FAM89B: variants seen among roughly 807,000 people sequenced by gnomAD.
FAM89B encodes the protein family with sequence similarity 89 member B, also known as leucine repeat adapter protein 25.
FAM89B carries 9 observed loss-of-function variants against 13.4 expected under a neutral mutation model. The observed-to-expected ratio is 0.67, with a 90% CI of 0.40 to 1.17. The LOEUF is 1.17. FAM89B is among the 50% of genes most tolerant of loss of function. The probability of loss-of-function intolerance (pLI) is 0.01; values close to 1 mark genes in which losing one functional copy is unlikely to be tolerated. For synonymous variants in FAM89B, 138 were observed against 121.2 expected (o/e 1.14, Z -0.91); for missense variants, 256 against 256.1 (o/e 1.00, Z 0.00).
chr11:65,572,684 C>T lies in FAM89B; in HGVS notation c.15C>T (p.Pro5=). The T allele has an allele frequency of 8.6e-7, 1 of 1,158,938 alleles. No homozygotes were observed. The highest frequency in any genetic ancestry group is 4.1e-5 in the East Asian group (1 of 24,470). 71.8% of individuals were successfully genotyped at this position (1,158,938 alleles called of 1,614,324 possible). A position where few individuals can be genotyped will look rare whatever the true frequency, so the allele number is the denominator to read the frequency against. Residue 5 remains proline, a synonymous_variant, in exon 1 of 2, where the codon CCC becomes CCT. Transcript: ENST00000530349. ...CGGCCCCGGCCATGAACGGGCTGCC[C>T]TCGGCAGAGGCGCCGGGCGGGGCGG... The part of the protein sequence containing the change: MNGL[P]SAEAPGGAGC...
At position 65,572,869 on chromosome 11, in the gene FAM89B, A is replaced by ACGCCGCCGG; in HGVS notation, c.208_216dup (p.Gly70_Ala72dup). On this transcript the variant is annotated inframe_insertion, in exon 1 of 2. Transcript: ENST00000530349. ...GCCCGCGCCCCGGACGGGCCCCGCC[A>ACGCCGCCGG]CGCCGCCGGCGCCGCCAACGCGGGA... 8.4e-7 allele frequency: 1 copy of ACGCCGCCGG among 1,197,498 alleles called. No individual in the cohort carries two copies. The highest frequency in any genetic ancestry group is 1.0e-6 in the Non-Finnish European group (1 of 969,652). 74.2% of individuals were successfully genotyped at this position (1,197,498 alleles called of 1,614,324 possible). A position where few individuals can be genotyped will look rare whatever the true frequency, so the allele number is the denominator to read the frequency against.
In FAM89B at chr11:65,572,698, C is replaced by T; in HGVS notation, c.29C>T (p.Pro10Leu). 1.7e-6 allele frequency: 2 copies of T among 1,151,388 alleles called. No homozygotes were observed. Among genetic ancestry groups the T allele is most frequent in the Non-Finnish European group, 2.1e-6 (2 of 937,702 alleles). The allele number at this position is 1,151,388 out of a possible 1,614,324, so 71.3% of individuals were successfully genotyped here. Residue 10 changes from proline (P) to leucine (L), a missense_variant, in exon 1 of 2, where the codon CCG becomes CTG. Pro to Leu is a moderately conservative substitution (Grantham distance 98). Coordinates refer to ENST00000530349, the MANE Select transcript of FAM89B (RefSeq NM_001098785.2). ...AACGGGCTGCCCTCGGCAGAGGCGC[C>T]GGGCGGGGCGGGCTGCGCTTTGGCC... MNGLPSAEA[P>L]GGAGCALAGL... is the part of the protein sequence containing the mutation.
In FAM89B at chr11:65,574,140, A is replaced by G. The variant is rs1857182071; in HGVS notation, c.*499A>G. 6.5e-6 allele frequency: 1 copy of G among 153,964 alleles called. No homozygotes were observed. Among genetic ancestry groups the G allele is most frequent in the African/African-American group, 2.4e-5 (1 of 41,460 alleles). 9.5% of individuals were successfully genotyped at this position (153,964 alleles called of 1,614,324 possible). A position where few individuals can be genotyped will look rare whatever the true frequency, so the allele number is the denominator to read the frequency against. ...CCAAGGCCCCGTGCTGGATATTTAA[A>G]TTTAGGGGCCGGTCTCCAGGGCGCG... On this transcript the variant is annotated 3_prime_UTR_variant, in exon 2 of 2. Transcript: ENST00000530349.
chr11:65,573,521 G>C lies in FAM89B; in HGVS notation c.450G>C (p.Leu150=). Residue 150 remains leucine, a synonymous_variant, in exon 2 of 2, where the codon CTG becomes CTC. Coordinates refer to ENST00000530349, the MANE Select transcript of FAM89B (RefSeq NM_001098785.2). ...SDSSYPPDAG[L]SDDEEPPDAS... is the part of the protein sequence containing the mutation. The stretch of plus-strand genomic sequence containing the variant: ...GCTCCTACCCACCGGATGCGGGCCT[G>C]TCTGACGACGAGGAGCCTCCCGATG... 1.2e-6 allele frequency: 2 copies of C among 1,614,126 alleles called. No homozygotes were observed. Among genetic ancestry groups the C allele is most frequent in the Non-Finnish European group, 1.7e-6 (2 of 1,180,018 alleles).
chr11:65,573,338 C>T, intron 1 of FAM89B, 25 bp from the exon 2 acceptor site: 1 of 1,522,994 alleles, frequency 6.6e-7, no homozygotes, highest in Non-Finnish European at 8.8e-7. Context: ...GACCCCAACT[C>T]CAGCCCACCC....
rs1160368093 is a variant in FAM89B at position 65,572,575 on chromosome 11, C to A, written c.-95C>A. On this transcript the variant is annotated 5_prime_UTR_variant, in exon 1 of 2. Transcript: ENST00000530349. ...GAGGCCTGCGGGCGGCGGCTGGGCT[C>A]CGGCGGGGCCGCGGGGTGCGGGGCC... 6 of 1,397,676 alleles carry A rather than the reference C, an allele frequency of 4.3e-6. No individual in the cohort carries two copies. Among genetic ancestry groups the A allele is most frequent in the Non-Finnish European group, 5.6e-6 (6 of 1,067,564 alleles). The allele number at this position is 1,397,676 out of a possible 1,614,324, so 86.6% of individuals were successfully genotyped here. A position where few individuals can be genotyped will look rare whatever the true frequency, so the allele number is the denominator to read the frequency against.
In FAM89B at chr11:65,572,771, CG is replaced by C. The variant is rs1303167131; in HGVS notation, c.107del (p.Gly36AlafsTer20). The C allele has an allele frequency of 4.2e-6, 5 of 1,196,862 alleles. No individual in the cohort carries two copies. The highest frequency in any genetic ancestry group is 4.0e-5 in the East Asian group (1 of 25,062). 74.1% of individuals were successfully genotyped at this position (1,196,862 alleles called of 1,614,324 possible). A position where few individuals can be genotyped will look rare whatever the true frequency, so the allele number is the denominator to read the frequency against. ...GCCTCAGCGGCCTCCTTAATGCGAG[CG>C]GGGGCTCGTGGCGGGAGCTGGAGCG... ...RGLSGLLNAS[G>X]GSWRELERVY... On this transcript the variant is annotated frameshift_variant, in exon 1 of 2. Transcript: ENST00000530349. LOFTEE classifies it high-confidence loss of function.
In FAM89B at chr11:65,572,627, T is replaced by C. The variant is rs1857151324; in HGVS notation, c.-43T>C. On this transcript the variant is annotated 5_prime_UTR_variant, in exon 1 of 2. Transcript: ENST00000530349. ...GCGGGCGGCGGCCCGGGCGGAGCGT[T>C]GGAGGGAAGGAGGTGGCATCGCCGT... The C allele has an allele frequency of 8.4e-7, 1 of 1,196,046 alleles. No homozygotes were observed. The highest frequency in any genetic ancestry group is 1.0e-6 in the Non-Finnish European group (1 of 969,552). The allele number at this position is 1,196,046 out of a possible 1,614,324, so 74.1% of individuals were successfully genotyped here. A position where few individuals can be genotyped will look rare whatever the true frequency, so the allele number is the denominator to read the frequency against.
rs1784373172 is a variant in FAM89B at position 65,573,986 on chromosome 11, C to T, written c.*345C>T. 8.4e-6 allele frequency: 2 copies of T among 239,504 alleles called. No individual in the cohort carries two copies. Among genetic ancestry groups the T allele is most frequent in the South Asian group, 1.6e-4 (2 of 12,330 alleles). 14.8% of individuals were successfully genotyped at this position (239,504 alleles called of 1,614,324 possible). ...GGGATTGGGATGAGTGCCTGGCTCC[C>T]ATCTCCTCCTCACCTTTTGTTGCTA... On this transcript the variant is annotated 3_prime_UTR_variant, in exon 2 of 2. Coordinates refer to ENST00000530349, the MANE Select transcript of FAM89B (RefSeq NM_001098785.2).
At chr11:65,573,109 T>C (rs1857162328) in intron 1 of FAM89B, 149 bp downstream of exon 1, 1 of 821,582 alleles carries the variant, frequency 1.2e-6, no homozygotes. Flanking sequence ...TAGTTACCAA[T>C]TATGGCAGTA....
At position 65,573,425 on chromosome 11, in the gene FAM89B, C is replaced by G. The variant is rs1352378313; in HGVS notation, c.354C>G (p.Ile118Met). The change falls in exon 2 of 2, where the codon ATC becomes ATG. Residue 118 changes from isoleucine to methionine, a missense_variant. Coordinates refer to ENST00000530349, the MANE Select transcript of FAM89B (RefSeq NM_001098785.2). The stretch of plus-strand genomic sequence containing the variant: ...AGCTGTGGGGCCTGTACGAGTCAAT[C>G]CAGGACTACAAACACCTGTGCCAAG... Reference protein sequence around the residue: ...LCQLWGLYESIQDYKHLCQDL... With the variant: ...LCQLWGLYESMQDYKHLCQDL... The G allele has an allele frequency of 6.2e-7, 1 of 1,610,600 alleles. No homozygotes were observed. The highest frequency in any genetic ancestry group is 2.2e-5 in the East Asian group (1 of 44,792).
Position 65,572,539 on chromosome 11 carries a change from A to T in FAM89B, c.-131A>T. 1.3e-6 allele frequency: 2 copies of T among 1,525,288 alleles called. No homozygotes were observed. Among genetic ancestry groups the T allele is most frequent in the Admixed American group, 2.0e-5 (1 of 50,712 alleles). 94.5% of individuals were successfully genotyped at this position (1,525,288 alleles called of 1,614,324 possible). A position where few individuals can be genotyped will look rare whatever the true frequency, so the allele number is the denominator to read the frequency against. ...GAGGCGGAGTCTGAGGAGCTGGGGAAGGAACAAAGCGAGGCCTGCGGGCGG... is the reference window on the plus strand; with the variant it reads ...GAGGCGGAGTCTGAGGAGCTGGGGATGGAACAAAGCGAGGCCTGCGGGCGG... On this transcript the variant is annotated 5_prime_UTR_variant, in exon 1 of 2. It adds an upstream start codon to the 5' untranslated region. Transcript: ENST00000530349.
chr11:65,573,076 G>T (rs1444905369), intron 1 of FAM89B, 116 bp downstream of exon 1: 2 of 1,011,172 alleles, frequency 2.0e-6, no homozygotes, highest in South Asian at 4.0e-5. Context: ...GGTTGCAAGG[G>T]TTATGGTAAC....
Position 65,573,509 on chromosome 11 carries a change from G to T in FAM89B, c.438G>T (p.Pro146=). ...TCCATTCGGACAGCTCCTACCCACC[G>T]GATGCGGGCCTGTCTGACGACGAGG... ...SSLHSDSSYP[P]DAGLSDDEEP... The change falls in exon 2 of 2, where the codon CCG becomes CCT. Residue 146 remains proline, a synonymous_variant. Coordinates refer to ENST00000530349, the MANE Select transcript of FAM89B (RefSeq NM_001098785.2). The T allele has an allele frequency of 6.2e-7, 1 of 1,614,150 alleles. No homozygotes were observed. The highest frequency in any genetic ancestry group is 1.7e-5 in the Admixed American group (1 of 60,024).
rs1438197786 is a variant in FAM89B, at chr11:65,572,754, G to T, written c.85G>T (p.Gly29Cys). ...GLPPLPRGLS[G>C]LLNASGGSWR... Reference sequence around the variant, plus strand: ...CCCACCGCTGCCGCGCGGCCTCAGCGGCCTCCTTAATGCGAGCGGGGGCTC... The same window carrying T: ...CCCACCGCTGCCGCGCGGCCTCAGCTGCCTCCTTAATGCGAGCGGGGGCTC... The change falls in exon 1 of 2, where the codon GGC becomes TGC. Residue 29 changes from glycine to cysteine, a missense_variant. Transcript: ENST00000530349. 8.5e-7 allele frequency: 1 copy of T among 1,181,528 alleles called. No individual in the cohort carries two copies. The highest frequency in any genetic ancestry group is 1.0e-6 in the Non-Finnish European group (1 of 952,446). The allele number at this position is 1,181,528 out of a possible 1,614,324, so 73.2% of individuals were successfully genotyped here. A position where few individuals can be genotyped will look rare whatever the true frequency, so the allele number is the denominator to read the frequency against.
rs1371457248 is a variant in FAM89B at position 65,573,797 on chromosome 11, T to C, written c.*156T>C. Reference sequence around the variant, plus strand: ...CCTCAGAGGCGAAACTGCCAAACTCTTTCTCCTGTCTTGGGTTGGCTGGCA... The same window carrying C: ...CCTCAGAGGCGAAACTGCCAAACTCCTTCTCCTGTCTTGGGTTGGCTGGCA... On this transcript the variant is annotated 3_prime_UTR_variant, in exon 2 of 2. Transcript: ENST00000530349. The C allele has an allele frequency of 6.5e-6, 6 of 917,168 alleles. No individual in the cohort carries two copies. In the African/African-American group the frequency reaches 6.7e-5, roughly 10 times the overall value. The allele number at this position is 917,168 out of a possible 1,614,324, so 56.8% of individuals were successfully genotyped here.
Position 65,573,511 on chromosome 11 carries a change from A to C in FAM89B, c.440A>C (p.Asp147Ala). The change falls in exon 2 of 2, where the codon GAT becomes GCT. Residue 147 changes from aspartate to alanine, a missense_variant. Coordinates refer to ENST00000530349, the MANE Select transcript of FAM89B (RefSeq NM_001098785.2). The part of the protein sequence containing the change: ...SLHSDSSYPP[D>A]AGLSDDEEPP... Reference sequence around the variant, plus strand: ...CATTCGGACAGCTCCTACCCACCGGATGCGGGCCTGTCTGACGACGAGGAG... The same window carrying C: ...CATTCGGACAGCTCCTACCCACCGGCTGCGGGCCTGTCTGACGACGAGGAG... 1 of 1,614,122 alleles carries C rather than the reference A, an allele frequency of 6.2e-7. No homozygotes were observed. Among genetic ancestry groups the C allele is most frequent in the Non-Finnish European group, 8.5e-7 (1 of 1,180,024 alleles).
rs1394945235 is a variant in FAM89B at position 65,574,017 on chromosome 11, A to T, written c.*376A>T. On this transcript the variant is annotated 3_prime_UTR_variant, in exon 2 of 2. Transcript: ENST00000530349. The stretch of plus-strand genomic sequence containing the variant: ...CTCCTCACCTTTTGTTGCTATCGGC[A>T]GCTGCTGGCTCAGGGGCATCCCACC... 5.4e-6 allele frequency: 1 copy of T among 184,836 alleles called. No homozygotes were observed. The highest frequency in any genetic ancestry group is 2.4e-5 in the African/African-American group (1 of 42,452). The allele number at this position is 184,836 out of a possible 1,614,324, so 11.4% of individuals were successfully genotyped here.
rs1391932629 is a variant in FAM89B, at chr11:65,574,175, A to G, written c.*534A>G. The G allele has an allele frequency of 1.3e-5, 2 of 153,198 alleles. No individual in the cohort carries two copies. The highest frequency in any genetic ancestry group is 2.9e-5 in the Non-Finnish European group (2 of 68,394). The allele number at this position is 153,198 out of a possible 1,614,324, so 9.5% of individuals were successfully genotyped here. On this transcript the variant is annotated 3_prime_UTR_variant, in exon 2 of 2. Transcript: ENST00000530349. ...CGGTCTCCAGGGCGCGTAGATAAAT[A>G]AATACACTCAGCGTCGTTGTGCTCT...
Sources: allele counts gnomAD v4.1 joint callset, GRCh38; gene constraint gnomAD v4.1.1; transcripts MANE v1.5; gene names NCBI Gene and HGNC (gene_info 2026-07-23, HGNC 2026-07-21).